Variants in CCN4 observed in about 807,000 individuals in gnomAD.
CCN4 encodes the protein CCN family member 4.
A neutral mutation model predicts 36.7 loss-of-function variants in CCN4; 30 were observed. That is an observed-to-expected ratio of 0.82 (90% CI 0.61 to 1.11). The LOEUF (loss-of-function observed/expected upper bound fraction) is 1.11. Among genes scored for constraint, CCN4 ranks in the 50% least tolerant of loss-of-function variants. The pLI is 0.00. For missense variants in CCN4, 505 were observed against 504.9 expected (o/e 1.00, Z 0.00); for synonymous variants, 191 against 195.4 (o/e 0.98, Z 0.19).
intron 2 of CCN4, among the ~76,000 whole-genome samples, chr8:133,220,181 C>T (rs536863978): frequency 6.6e-5 from 10 of 151,044 alleles, no homozygotes; most frequent in African/African-American, 1.4e-4. Context: ...ACACGTGTTT[C>T]GAAGTGTTCT....
At chr8:133,224,893 C>G (rs1222117740) in intron 3 of CCN4, among the ~76,000 whole-genome samples, 2 of 151,324 alleles carry the variant, frequency 1.3e-5, no homozygotes, top group Non-Finnish European at 2.9e-5. Flanking sequence ...TGAGATTGTG[C>G]CATTGCACTC....
At chr8:133,213,838 CTATA>C (rs763765437) in intron 2 of CCN4, among the ~76,000 whole-genome samples, 11 of 131,760 alleles carry the variant, frequency 8.3e-5, no homozygotes, top group Admixed American at 3.1e-4. Context: ...GTTAAATATA[CTATA>C]TATACACTAT....
Position 133,230,461 on chromosome 8 carries a change from G to A in CCN4, c.*2751G>A, listed in dbSNP as rs570300770. 4 of 152,328 alleles carry A rather than the reference G, an allele frequency of 2.6e-5. No homozygotes were observed. Among genetic ancestry groups the A allele is most frequent in the South Asian group, 2.1e-4 (1 of 4,832 alleles). The allele number at this position is 152,328 out of a possible 1,614,324, so 9.4% of individuals were successfully genotyped here. A position where few individuals can be genotyped will look rare whatever the true frequency, so the allele number is the denominator to read the frequency against. On this transcript the variant is annotated 3_prime_UTR_variant, in exon 5 of 5. Transcript: ENST00000250160. ...CTTTCACTATTTTATAAGTGGAAAA[G>A]AGAAGTGCCCCCAAAAAGTTAGAGC...
At chr8:133,218,743 A>G (rs1348150859) in intron 2 of CCN4, among the ~76,000 whole-genome samples, 2 of 152,112 alleles carry the variant, frequency 1.3e-5, no homozygotes, top group Admixed American at 6.5e-5. Flanking sequence ...TGTCCTCCAG[A>G]GAGAGCATGG....
chr8:133,227,945 G>T lies in CCN4; in HGVS notation c.*235G>T. 3.9e-6 allele frequency: 2 copies of T among 512,694 alleles called. No homozygotes were observed. Among genetic ancestry groups the T allele is most frequent in the Non-Finnish European group, 3.4e-6 (1 of 291,310 alleles). 31.8% of individuals were successfully genotyped at this position (512,694 alleles called of 1,614,324 possible). On this transcript the variant is annotated 3_prime_UTR_variant, in exon 5 of 5. Coordinates refer to ENST00000250160, the MANE Select transcript of CCN4 (RefSeq NM_003882.4). ...TAAAGAAAAATGCCTGTCTCTAGCT[G>T]TTCTGGACTACACCCAAGCCTGATC...
chr8:133,207,111 G>C (rs184468284), intron 1 of CCN4, among the ~76,000 whole-genome samples: 43 of 152,330 alleles, frequency 2.8e-4, no homozygotes, highest in Non-Finnish European at 4.7e-4. Flanking sequence ...GGACAGATTG[G>C]GTAAAGGAGT....
chr8:133,213,983 TAG>T (rs368021876), intron 2 of CCN4, among the ~76,000 whole-genome samples: 4 of 574 alleles, frequency 7.0e-3, no homozygotes, highest in Non-Finnish European at 0.02. Flanking sequence ...CTATATATAG[TAG>T]TTATATATAC....
intron 1 of CCN4, among the ~76,000 whole-genome samples, chr8:133,192,494 G>A (rs1029871401): frequency 1.3e-5 from 2 of 152,238 alleles, no homozygotes; most frequent in African/African-American, 2.4e-5. Context: ...GTGAGAGCAA[G>A]TAAAGGACTT....
chr8:133,206,925 A>G (rs1382156932), intron 1 of CCN4, among the ~76,000 whole-genome samples: 3 of 152,160 alleles, frequency 2.0e-5, no homozygotes, highest in Non-Finnish European at 4.4e-5. Context: ...GAGGAGTGAA[A>G]GCCGCCATGG....
chr8:133,194,305 T>TGG (rs1216333899), intron 1 of CCN4, among the ~76,000 whole-genome samples: 1 of 110,836 alleles, frequency 9.0e-6, no homozygotes, highest in East Asian at 3.0e-4. Context: ...TGTGTGTGTG[T>TGG]GGTGTGTGTG....
chr8:133,220,972 T>G (rs1854506168), intron 3 of CCN4, 131 bp downstream of exon 3: 1 of 1,252,040 alleles, frequency 8.0e-7, no homozygotes, highest in Non-Finnish European at 1.1e-6. Flanking sequence ...CTTGAGAAAG[T>G]CATACCTCCC....
At chr8:133,203,069 C>G (rs1052952402) in intron 1 of CCN4, among the ~76,000 whole-genome samples, 1 of 152,240 alleles carries the variant, frequency 6.6e-6, no homozygotes, top group Non-Finnish European at 1.5e-5. Flanking sequence ...CCTGCCTCAA[C>G]CCTGCCCCCT....
chr8:133,220,031 C>T (rs1854459776), intron 2 of CCN4, among the ~76,000 whole-genome samples: 1 of 151,940 alleles, frequency 6.6e-6, no homozygotes, highest in Non-Finnish European at 1.5e-5. Context: ...CCACTTTTCT[C>T]CCAGACACTT....
At chr8:133,205,807 C>T (rs1391777937) in intron 1 of CCN4, among the ~76,000 whole-genome samples, 2 of 152,176 alleles carry the variant, frequency 1.3e-5, no homozygotes, top group African/African-American at 4.8e-5. Context: ...GGAAAATGTG[C>T]AGGCCTTTTT....
In CCN4 at chr8:133,221,159, G is replaced by A. The variant is rs115107544; in HGVS notation, c.610+318G>A. 3.8e-3 allele frequency among the ~76,000 whole-genome samples: 585 copies of A among 152,376 alleles called. 3 individuals carry two copies. Among genetic ancestry groups the A allele is most frequent in the African/African-American group, 0.013 (541 of 41,586 alleles). ...TGGGTGGTGGAAGAAGGGTAGGTATGTGGGTACCTGAGGAGAGGAGGTATG... is the reference window on the plus strand; with the variant it reads ...TGGGTGGTGGAAGAAGGGTAGGTATATGGGTACCTGAGGAGAGGAGGTATG... On this transcript the variant is annotated intron_variant, in intron 3 of 4. Coordinates refer to ENST00000250160, the MANE Select transcript of CCN4 (RefSeq NM_003882.4).
chr8:133,226,423 T>C (rs1234659316), intron 4 of CCN4, among the ~76,000 whole-genome samples: 1 of 152,222 alleles, frequency 6.6e-6, no homozygotes, highest in Non-Finnish European at 1.5e-5. Context: ...GTCATCTATA[T>C]ATTGATCAAC....
chr8:133,223,959 G>C (rs1355149737), intron 3 of CCN4, among the ~76,000 whole-genome samples: 2 of 152,236 alleles, frequency 1.3e-5, no homozygotes, highest in Non-Finnish European at 2.9e-5. Context: ...AGAGTGGGTA[G>C]TTGAGTTGGC....
At position 133,212,975 on chromosome 8, in the gene CCN4, C is replaced by T; in HGVS notation, c.181C>T (p.Arg61Cys). The stretch of plus-strand genomic sequence containing the variant: ...ATGTGAGTGCCCGCCATCCCCACCC[C>T]GCTGCCCGCTGGGGGTCAGCCTCAT... Reference protein sequence around the residue: ...WPCECPPSPPRCPLGVSLITD... With the variant: ...WPCECPPSPPCCPLGVSLITD... The change falls in exon 2 of 5, where the codon CGC (arginine) becomes TGC (cysteine). Residue 61 changes from arginine (R) to cysteine (C), a missense_variant. Physicochemically the swap from Arg to Cys is radical, Grantham distance 180. Transcript: ENST00000250160. 1.2e-6 allele frequency: 2 copies of T among 1,614,116 alleles called. No homozygotes were observed. The highest frequency in any genetic ancestry group is 2.2e-5 in the East Asian group (1 of 44,856).
At chr8:133,218,682 T>C (rs986129653) in intron 2 of CCN4, among the ~76,000 whole-genome samples, 1 of 152,138 alleles carries the variant, frequency 6.6e-6, no homozygotes, top group Non-Finnish European at 1.5e-5. Context: ...CTGCTTCTCC[T>C]TGGGTGGCCA....
Sources: allele counts gnomAD v4.1 joint callset (sites outside exome capture counted in the v4.1 genomes callset), GRCh38; gene constraint gnomAD v4.1.1; transcripts MANE v1.5; gene names NCBI Gene and HGNC (gene_info 2026-07-23, HGNC 2026-07-21).